The following NMD3 variants were observed in gnomAD, a reference collection of about 807,000 sequenced individuals.
NMD3 encodes the protein NMD3 ribosome export adaptor, also known as 60S ribosomal export protein NMD3.
NMD3 carries 47 observed loss-of-function variants against 73.1 expected under a neutral mutation model. The ratio of observed to expected loss-of-function variants is 0.64; its 90% CI spans 0.51 to 0.82. The LOEUF is 0.82. Among genes scored for constraint, NMD3 ranks in the 40% least tolerant of loss-of-function variants. The pLI, the probability that NMD3 is intolerant of heterozygous loss-of-function variation, is 0.00. For missense variants in NMD3, 554 were observed against 612.5 expected (o/e 0.90, Z 1.01); for synonymous variants, 210 against 194.5 (o/e 1.08, Z -0.66).
At chr3:161,245,367 A>G (rs1190202890) in intron 11 of NMD3, among the ~76,000 whole-genome samples, 1 of 151,996 alleles carries the variant, frequency 6.6e-6, no homozygotes, top group Non-Finnish European at 1.5e-5. Context: ...TGGTTTTTAA[A>G]AAATAGCTAG....
chr3:161,232,653 A>AT lies in NMD3; in HGVS notation c.277-738dup, dbSNP rs1214467042. 4.6e-5 allele frequency among the ~76,000 whole-genome samples: 7 copies of AT among 151,944 alleles called. No homozygotes were observed. In the South Asian group the frequency reaches 1.0e-3, roughly 23 times the overall value. ...ATCCAGTTACCATTAAATCTTACAG[A>AT]TTTTTTTTCTGCATCACTTGGACTG... is the stretch of plus-strand genomic sequence containing the variant. On this transcript the variant is annotated intron_variant, in intron 4 of 15. Transcript: ENST00000351193.
intron 11 of NMD3, among the ~76,000 whole-genome samples, chr3:161,243,399 G>A (rs973648342): frequency 1.3e-5 from 2 of 152,174 alleles, no homozygotes; most frequent in African/African-American, 4.8e-5. Context: ...CTTTGAAAGG[G>A]AAACTATGGA....
Position 161,247,295 on chromosome 3 carries a change from G to A in NMD3, c.1168G>A (p.Val390Ile). ...CAACTGTAACTTAAATGATGAGCAT[G>A]TCAACAAAATGAACTCAGATAGAGT... Reference protein sequence around the residue: ...LANCNLNDEHVNKMNSDRVPD... With the variant: ...LANCNLNDEHINKMNSDRVPD... The change falls in exon 13 of 16, where the codon GTC becomes ATC. Residue 390 changes from valine (V) to isoleucine (I), a missense_variant. Coordinates refer to ENST00000351193, the MANE Select transcript of NMD3 (RefSeq NM_015938.5). 3 of 1,612,222 alleles carry A rather than the reference G, an allele frequency of 1.9e-6. No individual in the cohort carries two copies. In the South Asian group the frequency reaches 3.3e-5, roughly 18 times the overall value.
In NMD3 at chr3:161,238,832, TTTC is replaced by T; in HGVS notation, c.753+9_753+11del. 1 of 1,374,798 alleles carries T rather than the reference TTTC, an allele frequency of 7.3e-7. No individual in the cohort carries two copies. Among genetic ancestry groups the T allele is most frequent in the Non-Finnish European group, 1.0e-6 (1 of 978,838 alleles). 85.2% of individuals were successfully genotyped at this position (1,374,798 alleles called of 1,614,324 possible). Reference sequence around the variant, plus strand: ...AAATTGTTCCAATATGCAAGGTACTTTTCTTTTTCATTTAATCCATATCTGTAA... The same window carrying T: ...AAATTGTTCCAATATGCAAGGTACTTTTTTTCATTTAATCCATATCTGTAA... On this transcript the variant is annotated splice_region_variant and intron_variant, in intron 9 of 15. Coordinates refer to ENST00000351193, the MANE Select transcript of NMD3 (RefSeq NM_015938.5).
intron 4 of NMD3, among the ~76,000 whole-genome samples, chr3:161,228,848 A>T (rs1369386965): frequency 6.6e-6 from 1 of 152,176 alleles, no homozygotes; most frequent in African/African-American, 2.4e-5. Flanking sequence ...GATATATTAC[A>T]TGGTATATTA....
intron 4 of NMD3, among the ~76,000 whole-genome samples, chr3:161,229,883 G>A (rs1273621158): frequency 6.6e-6 from 1 of 152,146 alleles, no homozygotes; most frequent in Non-Finnish European, 1.5e-5. Flanking sequence ...ATTTGCAGCT[G>A]ATGAGTCAAG....
chr3:161,246,373 A>T lies in NMD3; in HGVS notation c.1055A>T (p.Glu352Val), dbSNP rs762645637. 2 of 1,511,014 alleles carry T rather than the reference A, an allele frequency of 1.3e-6. No individual in the cohort carries two copies. Among genetic ancestry groups the T allele is most frequent in the Admixed American group, 3.4e-5 (2 of 58,582 alleles). 93.6% of individuals were successfully genotyped at this position (1,511,014 alleles called of 1,614,324 possible). A position where few individuals can be genotyped will look rare whatever the true frequency, so the allele number is the denominator to read the frequency against. Residue 352 changes from glutamate to valine, a missense_variant, in exon 12 of 16, where the codon GAA (glutamate) becomes GTA (valine). Glu to Val is a moderately radical substitution (Grantham distance 121). Coordinates refer to ENST00000351193, the MANE Select transcript of NMD3 (RefSeq NM_015938.5). ...GAAGTCTGGGTACAGAAGACATCTG[A>T]AATGAATACAGATAAACAGTATTTT... ...LGEVWVQKTS[E>V]MNTDKQYFCR...
At chr3:161,234,907 T>G in intron 6 of NMD3, 52 bp downstream of exon 6, 1 of 1,581,650 alleles carries the variant, frequency 6.3e-7, no homozygotes, top group Non-Finnish European at 8.7e-7. Context: ...TCGTCTTTGT[T>G]AATTATAACT....
chr3:161,234,057 A>G (rs1347115045), intron 5 of NMD3, among the ~76,000 whole-genome samples: 1 of 152,202 alleles, frequency 6.6e-6, no homozygotes, highest in East Asian at 1.9e-4. Context: ...ATCTGTATTT[A>G]AAAAGCTTCC....
intron 11 of NMD3, among the ~76,000 whole-genome samples, chr3:161,245,705 G>A (rs1377019181): frequency 6.6e-6 from 1 of 151,642 alleles, no homozygotes; most frequent in Non-Finnish European, 1.5e-5. Context: ...TGTTAGAAAG[G>A]GAATTAATAG....
chr3:161,245,979 C>A (rs142011809), intron 11 of NMD3, among the ~76,000 whole-genome samples: 7 of 152,212 alleles, frequency 4.6e-5, no homozygotes, highest in African/African-American at 1.4e-4. Context: ...ATTCCCCTAC[C>A]TTTTCAGTTA....
chr3:161,252,055 T>G lies in NMD3; in HGVS notation c.*1145T>G, dbSNP rs1737508670. On this transcript the variant is annotated 3_prime_UTR_variant, in exon 16 of 16. Transcript: ENST00000351193. Reference sequence around the variant, plus strand: ...TTTTTTAATATTGGACTTTCCAATTTTGAAATTATGGATAAAGTCCTAAAT... The same window carrying G: ...TTTTTTAATATTGGACTTTCCAATTGTGAAATTATGGATAAAGTCCTAAAT... The G allele has an allele frequency of 6.6e-6, 1 of 152,218 alleles. No individual in the cohort carries two copies. The highest frequency in any genetic ancestry group is 6.5e-5 in the Admixed American group (1 of 15,278). The allele number at this position is 152,218 out of a possible 1,614,324, so 9.4% of individuals were successfully genotyped here.
At chr3:161,250,229 A>T (rs1424238918) in intron 14 of NMD3, 27 bp from the exon 15 acceptor site, 2 of 1,260,118 alleles carry the variant, frequency 1.6e-6, no homozygotes, top group Non-Finnish European at 1.2e-6. Flanking sequence ...ATTTTTGGTG[A>T]TGAAATATTT....
intron 11 of NMD3, among the ~76,000 whole-genome samples, chr3:161,244,968 C>T (rs1052607631): frequency 5.9e-5 from 9 of 152,030 alleles, no homozygotes; most frequent in Admixed American, 6.6e-5. Flanking sequence ...GTTGTTTTGA[C>T]GTGACTCTCC....
chr3:161,248,566 A>C (rs1295794861), intron 13 of NMD3, among the ~76,000 whole-genome samples: 1 of 152,136 alleles, frequency 6.6e-6, no homozygotes, highest in African/African-American at 2.4e-5. Context: ...TATTAGGCTC[A>C]CTTCGTTTCA....
At chr3:161,227,409 A>T in intron 4 of NMD3, 66 bp downstream of exon 4, 1 of 904,136 alleles carries the variant, frequency 1.1e-6, no homozygotes, top group Non-Finnish European at 1.7e-6. Context: ...TTTTCAGAAA[A>T]TTCTTGTGAG....
At chr3:161,239,004 A>G (rs947375162) in intron 9 of NMD3, among the ~76,000 whole-genome samples, 178 bp downstream of exon 9, 1 of 152,178 alleles carries the variant, frequency 6.6e-6, no homozygotes, top group Non-Finnish European at 1.5e-5. Flanking sequence ...TAAAAAAGTC[A>G]TGCTTATAAT....
chr3:161,230,540 T>C (rs1736492266), intron 4 of NMD3, among the ~76,000 whole-genome samples: 1 of 152,102 alleles, frequency 6.6e-6, no homozygotes, highest in Admixed American at 6.6e-5. Context: ...AGAAGAATAA[T>C]TGGCTGGGGG....
intron 3 of NMD3, among the ~76,000 whole-genome samples, chr3:161,226,438 C>G (rs1398658957): frequency 6.6e-6 from 1 of 151,882 alleles, no homozygotes; most frequent in Non-Finnish European, 1.5e-5. Context: ...TGGAGCGAGA[C>G]TCTGTCTCAA....
Sources: gnomAD v4.1 joint callset for allele counts (sites outside exome capture counted in the v4.1 genomes callset) on GRCh38, gnomAD v4.1.1 for gene constraint, MANE v1.5 for transcripts, NCBI Gene and HGNC (gene_info 2026-07-23, HGNC 2026-07-21) for gene names.